Variants in CORIN observed in about 807,000 individuals in gnomAD.
The protein encoded by CORIN is atrial natriuretic peptide-converting enzyme.
CORIN carries 117 observed loss-of-function variants against 125.3 expected under a neutral mutation model. The ratio of observed to expected loss-of-function variants is 0.93; its 90% CI spans 0.80 to 1.09. CORIN has a LOEUF of 1.09. CORIN is among the 50% of genes least tolerant of loss of function. The probability of loss-of-function intolerance (pLI) is 0.00; values close to 1 mark genes in which losing one functional copy is unlikely to be tolerated. For synonymous variants in CORIN, 450 were observed against 466.4 expected, an observed-to-expected ratio of 0.96 and a Z score of 0.45; for missense variants, 1,253 against 1,306.7, an observed-to-expected ratio of 0.96 and a Z score of 0.63.
chr4:47,765,135 C>A (rs910372600), intron 3 of CORIN, among the ~76,000 whole-genome samples: 6 of 152,034 alleles, frequency 3.9e-5, no homozygotes, highest in Non-Finnish European at 8.8e-5. Flanking sequence ...CACGGTGAAA[C>A]CCCATCTCTA....
At chr4:47,686,743 G>A (rs940526780) in intron 6 of CORIN, among the ~76,000 whole-genome samples, 6 of 152,170 alleles carry the variant, frequency 3.9e-5, no homozygotes, top group African/African-American at 1.4e-4. Context: ...TTGACGATCA[G>A]TGCAAAGTAT....
chr4:47,627,610 G>A (rs899184888), intron 16 of CORIN, among the ~76,000 whole-genome samples: 2 of 152,018 alleles, frequency 1.3e-5, no homozygotes, highest in African/African-American at 4.8e-5. Context: ...CTTTTTCTTG[G>A]CCAAAATGAA....
chr4:47,643,117 A>G (rs1160877114), intron 15 of CORIN, 29 bp downstream of exon 15: 2 of 1,614,050 alleles, frequency 1.2e-6, no homozygotes, highest in East Asian at 2.2e-5. Flanking sequence ...ATGAGAGAGT[A>G]CAACAGATGG....
At chr4:47,725,626 C>G (rs1727558735) in intron 5 of CORIN, among the ~76,000 whole-genome samples, 1 of 151,982 alleles carries the variant, frequency 6.6e-6, no homozygotes, top group Non-Finnish European at 1.5e-5. Flanking sequence ...CAAAAAGTAA[C>G]TCAATGCAGG....
chr4:47,762,089 T>C (rs1729489787), intron 4 of CORIN, among the ~76,000 whole-genome samples: 1 of 152,128 alleles, frequency 6.6e-6, no homozygotes, highest in African/African-American at 2.4e-5. Context: ...TGTGTCTGTA[T>C]ATATATGTAC....
intron 4 of CORIN, among the ~76,000 whole-genome samples, chr4:47,762,460 A>G (rs1464484074): frequency 1.3e-5 from 2 of 152,222 alleles, no homozygotes; most frequent in Non-Finnish European, 2.9e-5. Flanking sequence ...TGTATACTTA[A>G]TATTTCAAAA....
chr4:47,647,641 GA>G (rs1723546610), intron 13 of CORIN, among the ~76,000 whole-genome samples: 1 of 152,166 alleles, frequency 6.6e-6, no homozygotes, highest in Non-Finnish European at 1.5e-5. Context: ...TTTTATAAGT[GA>G]GGAAACTAAC....
At chr4:47,704,499 G>A (rs556744928) in intron 5 of CORIN, among the ~76,000 whole-genome samples, 1 of 152,188 alleles carries the variant, frequency 6.6e-6, no homozygotes, top group Non-Finnish European at 1.5e-5. Flanking sequence ...GGGGTAAGAG[G>A]TTCAAAGAGG....
intron 1 of CORIN, among the ~76,000 whole-genome samples, chr4:47,822,104 AG>A (rs1243732636): frequency 3.3e-5 from 5 of 152,226 alleles, no homozygotes; most frequent in Non-Finnish European, 5.9e-5. Context: ...AGTTTGTCTT[AG>A]GGTAGATTTT....
intron 2 of CORIN, among the ~76,000 whole-genome samples, chr4:47,800,965 T>A (rs973282312): frequency 4.6e-5 from 7 of 152,216 alleles, no homozygotes; most frequent in African/African-American, 1.7e-4. Flanking sequence ...CATCGACTCC[T>A]GCTGCTTCAA....
intron 3 of CORIN, among the ~76,000 whole-genome samples, chr4:47,780,988 A>T (rs1416981376): frequency 1.3e-5 from 2 of 151,970 alleles, no homozygotes; most frequent in African/African-American, 4.8e-5. Context: ...ACTAAACACA[A>T]AAGAAGGCAG....
chr4:47,737,713 A>G (rs1367730190), intron 5 of CORIN, among the ~76,000 whole-genome samples: 2 of 152,068 alleles, frequency 1.3e-5, no homozygotes, highest in Non-Finnish European at 2.9e-5. Context: ...TTTGCAGAAA[A>G]CTCAACTTTT....
At chr4:47,787,873 G>A (rs1021800301) in intron 2 of CORIN, among the ~76,000 whole-genome samples, 2 of 152,210 alleles carry the variant, frequency 1.3e-5, no homozygotes, top group Non-Finnish European at 2.9e-5. Flanking sequence ...CCACTTATGA[G>A]TGAGAACATA....
chr4:47,744,985 C>T (rs1284904194), intron 4 of CORIN, among the ~76,000 whole-genome samples: 2 of 152,152 alleles, frequency 1.3e-5, no homozygotes. Context: ...TTTATCTTCC[C>T]TTTGAGAAAT....
At chr4:47,612,626 A>G (rs1022864990) in intron 19 of CORIN, among the ~76,000 whole-genome samples, 1 of 152,212 alleles carries the variant, frequency 6.6e-6, no homozygotes. Context: ...ACTCATCTAA[A>G]GTCACAGAGA....
chr4:47,820,714 A>G (rs566307459), intron 1 of CORIN, among the ~76,000 whole-genome samples: 61 of 152,282 alleles, frequency 4.0e-4, no homozygotes, highest in African/African-American at 1.4e-3. Flanking sequence ...TGTAAAACAC[A>G]TGAGAAAGTG....
At chr4:47,723,067 G>A (rs931756724) in intron 5 of CORIN, among the ~76,000 whole-genome samples, 3 of 152,154 alleles carry the variant, frequency 2.0e-5, no homozygotes, top group Admixed American at 6.5e-5. Flanking sequence ...ACCAAAGGAC[G>A]GGGAGTCCCC....
At chr4:47,824,936 G>A (rs762411600) in intron 1 of CORIN, among the ~76,000 whole-genome samples, 8 of 152,146 alleles carry the variant, frequency 5.3e-5, no homozygotes, top group African/African-American at 7.2e-5. Context: ...TGACAGCTTT[G>A]AGGGGCCTCC....
chr4:47,727,131 C>T (rs1727627029), intron 5 of CORIN, among the ~76,000 whole-genome samples: 1 of 151,946 alleles, frequency 6.6e-6, no homozygotes, highest in Non-Finnish European at 1.5e-5. Context: ...GAAGGAGAAT[C>T]TAATCAAGTT....
Sources: gnomAD v4.1 joint callset for allele counts (sites outside exome capture counted in the v4.1 genomes callset) on GRCh38, gnomAD v4.1.1 for gene constraint, MANE v1.5 for transcripts, NCBI Gene and HGNC (gene_info 2026-07-23, HGNC 2026-07-21) for gene names.